The following SORCS1 variants were observed in gnomAD, a reference collection of about 807,000 sequenced individuals.
SORCS1 encodes VPS10 domain-containing receptor SorCS1.
In SORCS1, 60 loss-of-function variants were observed where a neutral mutation model predicts 146.1. The observed-to-expected ratio is 0.41, with a 90% CI of 0.33 to 0.51. SORCS1 has a LOEUF of 0.51. Ranked by LOEUF, SORCS1 falls within the 20% of genes least tolerant of loss-of-function variation. SORCS1 has a pLI of 0.21. For synonymous variants in SORCS1, 637 were observed against 584.0 expected (o/e 1.09, Z -1.31); for missense variants, 1,352 against 1,487.6 (o/e 0.91, Z 1.50).
intron 2 of SORCS1, among the ~76,000 whole-genome samples, chr10:106,911,705 A>G (rs1952165210): frequency 2.0e-5 from 3 of 152,178 alleles, no homozygotes; most frequent in South Asian, 2.1e-4. Flanking sequence ...CTGGTTGTCC[A>G]TTAGATTCAC....
At chr10:106,671,180 A>G (rs1031169679) in intron 16 of SORCS1, 57 bp downstream of exon 16, 25 of 1,606,358 alleles carry the variant, frequency 1.6e-5, no homozygotes, top group Non-Finnish European at 2.0e-5. Flanking sequence ...GCTTTCATTC[A>G]GGCCCATGTG....
At chr10:106,594,835 T>G (rs1354453165) in intron 24 of SORCS1, among the ~76,000 whole-genome samples, 1 of 152,254 alleles carries the variant, frequency 6.6e-6, no homozygotes. Context: ...TTGTTTTTAA[T>G]TTCTAAACTC....
rs189566889 is a variant in SORCS1, at chr10:107,113,189, C to T, written c.558+50780G>A. 7.2e-5 allele frequency among the ~76,000 whole-genome samples: 11 copies of T among 151,742 alleles called. No homozygotes were observed. In the East Asian group the frequency reaches 9.7e-4, roughly 13 times the overall value. Reference sequence around the variant, plus strand: ...ACCACAATGGTATAAAACTATAAATCGATATGAGAAATAATTATGAAAAAC... The same window carrying T: ...ACCACAATGGTATAAAACTATAAATTGATATGAGAAATAATTATGAAAAAC... On this transcript the variant is annotated intron_variant, in intron 1 of 25. Transcript: ENST00000263054.
At chr10:106,723,650 A>C (rs2135956972) in intron 6 of SORCS1, among the ~76,000 whole-genome samples, 1 of 152,366 alleles carries the variant, frequency 6.6e-6, no homozygotes, top group South Asian at 2.1e-4. Flanking sequence ...ACTACAAGAT[A>C]TCTACATATT....
chr10:107,038,602 C>T (rs1203633620), intron 1 of SORCS1, among the ~76,000 whole-genome samples: 2 of 151,994 alleles, frequency 1.3e-5, no homozygotes, highest in African/African-American at 4.8e-5. Flanking sequence ...TATGTGGTCT[C>T]AGGCAAACTG....
At chr10:107,028,931 G>C (rs988100663) in intron 1 of SORCS1, among the ~76,000 whole-genome samples, 11 of 152,090 alleles carry the variant, frequency 7.2e-5, no homozygotes, top group Non-Finnish European at 1.6e-4. Context: ...TGAATCAGTT[G>C]GACTAGACAA....
intron 3 of SORCS1, among the ~76,000 whole-genome samples, chr10:106,790,406 C>T (rs1946261771): frequency 6.6e-6 from 1 of 152,152 alleles, no homozygotes; most frequent in South Asian, 2.1e-4. Flanking sequence ...AATCCATCTC[C>T]CTGACTGACT....
chr10:107,107,791 G>T (rs1006987852), intron 1 of SORCS1, among the ~76,000 whole-genome samples: 6 of 152,098 alleles, frequency 3.9e-5, no homozygotes, highest in Non-Finnish European at 7.4e-5. Flanking sequence ...CCTGGAAATG[G>T]CTTTATCCTC....
intron 3 of SORCS1, among the ~76,000 whole-genome samples, chr10:106,779,931 C>T (rs184284180): frequency 6.6e-6 from 1 of 151,952 alleles, no homozygotes; most frequent in Non-Finnish European, 1.5e-5. Context: ...ATAGTATGTA[C>T]CTAATTGTTA....
At chr10:107,054,715 A>G (rs17122005) in intron 1 of SORCS1, among the ~76,000 whole-genome samples, 1,625 of 152,332 alleles carry the variant, frequency 0.011, 15 homozygotes, top group South Asian at 0.028. Flanking sequence ...TAATAGCCAA[A>G]CAGCAAACCA....
At chr10:106,993,913 A>G (rs1956877791) in intron 1 of SORCS1, among the ~76,000 whole-genome samples, 1 of 151,940 alleles carries the variant, frequency 6.6e-6, no homozygotes, top group Non-Finnish European at 1.5e-5. Context: ...TCTCTACCAA[A>G]AGTACCAAAA....
intron 1 of SORCS1, among the ~76,000 whole-genome samples, chr10:107,159,385 T>C (rs1969537415): frequency 6.6e-6 from 1 of 152,210 alleles, no homozygotes; most frequent in Non-Finnish European, 1.5e-5. Flanking sequence ...TTACAGAGGA[T>C]GAAATTGAGG....
chr10:107,146,213 C>T (rs1415613684), intron 1 of SORCS1, among the ~76,000 whole-genome samples: 1 of 152,170 alleles, frequency 6.6e-6, no homozygotes, highest in Non-Finnish European at 1.5e-5. Flanking sequence ...CCCACACACA[C>T]AAATACAACT....
chr10:106,850,193 C>A (rs12777186), intron 2 of SORCS1, among the ~76,000 whole-genome samples: 21 of 151,754 alleles, frequency 1.4e-4, no homozygotes, highest in African/African-American at 4.6e-4. Context: ...GCCTCGCTGC[C>A]GCCTTGCAGT....
intron 1 of SORCS1, among the ~76,000 whole-genome samples, chr10:107,121,708 C>T (rs1051200760): frequency 6.6e-6 from 1 of 151,820 alleles, no homozygotes; most frequent in Non-Finnish European, 1.5e-5. Flanking sequence ...CATAACAGTA[C>T]ATACAGTTGG....
intron 2 of SORCS1, among the ~76,000 whole-genome samples, chr10:106,856,206 T>C (rs1313354195): frequency 2.0e-5 from 3 of 152,138 alleles, no homozygotes. Flanking sequence ...TTTGTATTTT[T>C]AGTAGACACA....
intron 1 of SORCS1, among the ~76,000 whole-genome samples, chr10:107,065,363 T>C (rs1240483934): frequency 6.6e-6 from 1 of 151,380 alleles, no homozygotes; most frequent in Non-Finnish European, 1.5e-5. Context: ...CGGTTAACAC[T>C]GAGTGCTTCA....
chr10:106,679,401 G>A (rs1033836725), intron 11 of SORCS1, 69 bp from the exon 12 acceptor site: 2 of 1,278,296 alleles, frequency 1.6e-6, no homozygotes, highest in African/African-American at 1.5e-5. Flanking sequence ...ATATTGGCAG[G>A]TGCACTGCCT....
intron 2 of SORCS1, among the ~76,000 whole-genome samples, chr10:106,902,627 G>T (rs1262706299): frequency 2.6e-5 from 4 of 152,168 alleles, no homozygotes; most frequent in Non-Finnish European, 5.9e-5. Flanking sequence ...AGGTATAACT[G>T]GTGGTGGTCT....
Sources: gnomAD v4.1 joint callset for allele counts (sites outside exome capture counted in the v4.1 genomes callset) on GRCh38, gnomAD v4.1.1 for gene constraint, MANE v1.5 for transcripts, NCBI Gene and HGNC (gene_info 2026-07-23, HGNC 2026-07-21) for gene names.